The following ABCB4 variants were observed in gnomAD, a reference collection of about 807,000 sequenced individuals.
ABCB4 encodes the protein phosphatidylcholine translocator ABCB4.
A neutral mutation model predicts 145.7 loss-of-function variants in ABCB4; 76 were observed. The ratio of observed to expected loss-of-function variants is 0.52; its 90% CI spans 0.43 to 0.63. ABCB4 has a LOEUF of 0.63. ABCB4 is among the 30% of genes least tolerant of loss of function. The probability of loss-of-function intolerance (pLI) is 0.00; values close to 1 mark genes in which losing one functional copy is unlikely to be tolerated. For missense variants in ABCB4, 1,234 were observed against 1,553.1 expected, an observed-to-expected ratio of 0.79 and a Z score of 3.45; for synonymous variants, 517 against 566.8, an observed-to-expected ratio of 0.91 and a Z score of 1.25.
Position 87,418,572 on chromosome 7 carries a change from T to C in ABCB4, c.2443A>G (p.Thr815Ala), listed in dbSNP as rs745931683. The C allele has an allele frequency of 3.7e-6, 6 of 1,614,168 alleles. No homozygotes were observed. The South Asian group carries it at 6.6e-5, about 18-fold the overall frequency. The change falls in exon 20 of 28, where the codon ACA (threonine) becomes GCA (alanine). Residue 815 changes from threonine to alanine, a missense_variant. Thr to Ala is a moderately conservative substitution (Grantham distance 58). Transcript: ENST00000649586. ...TGGGCAGCATCTGTGGCAAGTCTTG[T>C]AGAAAGTGCACCAGTACTGTTTTTA... Reference protein sequence around the residue: ...DHKNSTGALSTRLATDAAQVQ... With the variant: ...DHKNSTGALSARLATDAAQVQ...
chr7:87,408,196 C>A lies in ABCB4; in HGVS notation c.3120G>T (p.Val1040=), dbSNP rs754306589. The stretch of plus-strand genomic sequence containing the variant: ...CGTTTGCTCGGGTGGGATAGTTGAA[C>A]ACGACTTCATTAAATGTTATATTTC... ...FEGNITFNEV[V]FNYPTRANVP... Residue 1040 remains valine (V), a synonymous_variant, in exon 25 of 28, where the codon GTG becomes GTT. Transcript: ENST00000649586. 6.2e-7 allele frequency: 1 copy of A among 1,614,166 alleles called. No individual in the cohort carries two copies. The highest frequency in any genetic ancestry group is 2.2e-5 in the East Asian group (1 of 44,886).
chr7:87,368,955 C>T, the ABCB4 span, among the ~76,000 whole-genome samples: 2 of 152,172 alleles, frequency 1.3e-5, no homozygotes, highest in Non-Finnish European at 2.9e-5. Context: ...GTTATCATAG[C>T]TAGATATTAC....
the ABCB4 span, among the ~76,000 whole-genome samples, chr7:87,370,586 A>G: frequency 6.6e-6 from 1 of 152,198 alleles, no homozygotes; most frequent in African/African-American, 2.4e-5. Context: ...AGTTTTATTA[A>G]ATATTGCAAA....
chr7:87,431,092 T>C (rs1810184528), intron 15 of ABCB4, among the ~76,000 whole-genome samples: 1 of 152,092 alleles, frequency 6.6e-6, no homozygotes, highest in Non-Finnish European at 1.5e-5. Flanking sequence ...TCGAAACACT[T>C]TTCTCGTCCT....
At chr7:87,452,353 A>G (rs1811794585) in intron 6 of ABCB4, 1 of 170,378 alleles carries the variant, frequency 5.9e-6, no homozygotes, top group Admixed American at 5.7e-5. Context: ...GGAGGTTTAC[A>G]AGGCCCTAAA....
chr7:87,382,017 CTTT>C, the ABCB4 span: 1 of 1,584,816 alleles, frequency 6.3e-7, no homozygotes, highest in Non-Finnish European at 8.6e-7. Flanking sequence ...AATATTTCAT[CTTT>C]TTTCTCCTAA....
At chr7:87,474,268 G>A (rs572335736) in intron 2 of ABCB4, among the ~76,000 whole-genome samples, 48 of 152,260 alleles carry the variant, frequency 3.2e-4, no homozygotes, top group African/African-American at 1.1e-3. Context: ...GTCAATCCCT[G>A]CCTAAACAGC....
Position 87,402,161 on chromosome 7 carries a change from G to A in ABCB4, c.3775C>T (p.Leu1259=), listed in dbSNP as rs1426374562. The change falls in exon 28 of 28, where the codon CTG becomes TTG. Residue 1259 remains leucine (L), a synonymous_variant. Transcript: ENST00000649586. ...RVKEHGTHQQ[L]LAQKGIYFSM... ...AAATAGATGCCTTTCTGTGCCAGCAGCTGCTGATGCGTGCCATGCTCCTTG... is the reference window on the plus strand; with the variant it reads ...AAATAGATGCCTTTCTGTGCCAGCAACTGCTGATGCGTGCCATGCTCCTTG... The A allele has an allele frequency of 6.2e-7, 1 of 1,613,960 alleles. No homozygotes were observed. Among genetic ancestry groups the A allele is most frequent in the Non-Finnish European group, 8.5e-7 (1 of 1,180,036 alleles).
chr7:87,473,658 G>A (rs911080044), intron 2 of ABCB4, among the ~76,000 whole-genome samples: 1 of 151,894 alleles, frequency 6.6e-6, no homozygotes, highest in Admixed American at 6.6e-5. Flanking sequence ...CATTGGCTGT[G>A]GTTTACTTAT....
chr7:87,449,881 G>A (rs887633922), intron 8 of ABCB4, 87 bp downstream of exon 8: 3 of 1,601,310 alleles, frequency 1.9e-6, no homozygotes, highest in East Asian at 4.5e-5. Flanking sequence ...ATTAGGAAAG[G>A]GAAGGTAAAA....
At chr7:87,392,799 T>C in the ABCB4 span, 1 of 1,613,710 alleles carries the variant, frequency 6.2e-7, no homozygotes, top group African/African-American at 1.3e-5. Flanking sequence ...CCAGAACTCT[T>C]TACGGACCCA....
At chr7:87,466,763 G>T (rs1178115822) in intron 3 of ABCB4, among the ~76,000 whole-genome samples, 1 of 152,212 alleles carries the variant, frequency 6.6e-6, no homozygotes, top group Non-Finnish European at 1.5e-5. Context: ...TTAAAGAAAA[G>T]AATTTTCAAC....
chr7:87,426,586 T>G (rs540953810), intron 16 of ABCB4, among the ~76,000 whole-genome samples, 164 bp downstream of exon 16: 1 of 152,366 alleles, frequency 6.6e-6, no homozygotes, highest in African/African-American at 2.4e-5. Flanking sequence ...TGATTTCAAT[T>G]CATTGTCAAA....
the ABCB4 span, among the ~76,000 whole-genome samples, chr7:87,389,995 T>C: frequency 2.0e-5 from 3 of 152,306 alleles, no homozygotes; most frequent in East Asian, 1.9e-4. Context: ...TTTTTAAATA[T>C]GGGAATCTTT....
chr7:87,431,374 T>C, intron 15 of ABCB4, 30 bp downstream of exon 15: 1 of 1,613,834 alleles, frequency 6.2e-7, no homozygotes, highest in South Asian at 1.1e-5. Context: ...GAGGAGCAAA[T>C]AGCAGAAAAA....
chr7:87,447,158 G>C lies in ABCB4; in HGVS notation c.881C>G (p.Ala294Gly), dbSNP rs1173515582. ...ENAKEIGIKK[A>G]ISANISMGIA... ...ACCCATGGAAATGTTTGCTGAAATAGCTTTTTTAATTCCAATCTCTTTGGC... is the reference window on the plus strand; with the variant it reads ...ACCCATGGAAATGTTTGCTGAAATACCTTTTTTAATTCCAATCTCTTTGGC... The change falls in exon 9 of 28, where the codon GCT becomes GGT. Residue 294 changes from alanine (A) to glycine (G), a missense_variant. By Grantham distance (60) the Ala-to-Gly change is moderately conservative. Around this residue, in one of 7 missense-constraint regions of ABCB4, gnomAD observed 467 missense variants for 632.8 expected, o/e 0.74. Transcript: ENST00000649586. 5.0e-6 allele frequency: 8 copies of C among 1,613,832 alleles called. No individual in the cohort carries two copies. In the Admixed American group the frequency reaches 1.3e-4, roughly 27 times the overall value.
chr7:87,426,870 C>G lies in ABCB4; in HGVS notation c.1944G>C (p.Lys648Asn). 1 of 1,613,528 alleles carries G rather than the reference C, an allele frequency of 6.2e-7. No individual in the cohort carries two copies. Among genetic ancestry groups the G allele is most frequent in the South Asian group, 1.1e-5 (1 of 91,068 alleles). Residue 648 changes from lysine (K) to asparagine (N), a missense_variant, in exon 16 of 28, where the codon AAG (lysine) becomes AAC (asparagine). Lys to Asn is a moderately conservative substitution (Grantham distance 94). Around this residue, in one of 7 missense-constraint regions of ABCB4, gnomAD observed 321 missense variants for 332.6 expected, o/e 0.97. Transcript: ENST00000649586. ...CATTTGGGGCCATTCTAGTGGCAGCCTTTTCATCATTTAGTTCAAATTCTT... is the reference window on the plus strand; with the variant it reads ...CATTTGGGGCCATTCTAGTGGCAGCGTTTTCATCATTTAGTTCAAATTCTT... ...QSEEFELNDE[K>N]AATRMAPNGW...
chr7:87,403,044 CT>C (rs1427020902), intron 27 of ABCB4, 90 bp downstream of exon 27: 15 of 1,360,168 alleles, frequency 1.1e-5, no homozygotes, highest in East Asian at 6.9e-5. Flanking sequence ...GTTTTTCCCC[CT>C]GTGCTTGTGT....
intron 3 of ABCB4, among the ~76,000 whole-genome samples, chr7:87,465,557 T>C (rs1336196004): frequency 6.6e-6 from 1 of 152,070 alleles, no homozygotes; most frequent in African/African-American, 2.4e-5. Flanking sequence ...GAGTAGTGGT[T>C]CTCCCAGCAC....
Sources: gnomAD v4.1 joint callset for allele counts (sites outside exome capture counted in the v4.1 genomes callset) on GRCh38, gnomAD v4.1.1 for gene constraint, gnomAD v4.1.1 regional missense constraint, MANE v1.5 for transcripts, NCBI Gene and HGNC (gene_info 2026-07-23, HGNC 2026-07-21) for gene names.